AP3B1: variants seen among roughly 807,000 people sequenced by gnomAD.
AP3B1 encodes the protein AP-3 complex subunit beta-1.
A neutral mutation model predicts 132.5 loss-of-function variants in AP3B1; 61 were observed. The observed-to-expected ratio is 0.46, with a 90% CI of 0.37 to 0.57. The LOEUF (loss-of-function observed/expected upper bound fraction) is 0.57, where lower values mean the gene tolerates loss of function less well. Among genes scored for constraint, AP3B1 ranks in the 20% least tolerant of loss-of-function variants. The probability of loss-of-function intolerance (pLI) is 0.00; values close to 1 mark genes in which losing one functional copy is unlikely to be tolerated. For synonymous variants in AP3B1, 388 were observed against 438.3 expected (o/e 0.89, Z 1.43); for missense variants, 1,120 against 1,289.4 (o/e 0.87, Z 2.01).
intron 11 of AP3B1, among the ~76,000 whole-genome samples, chr5:78,172,374 C>CT (rs2112393535): frequency 6.6e-6 from 1 of 152,242 alleles, no homozygotes; most frequent in African/African-American, 2.4e-5. Context: ...TGGTCCTGGA[C>CT]TTTATTGGTT....
At chr5:78,233,307 C>T (rs1746731553) in intron 3 of AP3B1, among the ~76,000 whole-genome samples, 1 of 151,086 alleles carries the variant, frequency 6.6e-6, no homozygotes, top group African/African-American at 2.4e-5. Context: ...GATCTCAGCT[C>T]ACCGCAACCT....
At chr5:78,242,659 G>A (rs1012696016) in intron 2 of AP3B1, among the ~76,000 whole-genome samples, 2 of 151,790 alleles carry the variant, frequency 1.3e-5, no homozygotes. Context: ...CACCCCCCTC[G>A]GCCTCCCAAA....
intron 13 of AP3B1, among the ~76,000 whole-genome samples, chr5:78,159,386 A>G (rs1269297602): frequency 6.6e-6 from 1 of 152,184 alleles, no homozygotes; most frequent in Non-Finnish European, 1.5e-5. Context: ...CAAATTTATC[A>G]TTGTACAGTT....
chr5:78,288,607 G>T (rs930080084), intron 1 of AP3B1, among the ~76,000 whole-genome samples: 3 of 152,158 alleles, frequency 2.0e-5, no homozygotes, highest in Admixed American at 6.5e-5. Context: ...AGGGTCCACG[G>T]AATCAGTCAT....
intron 3 of AP3B1, among the ~76,000 whole-genome samples, chr5:78,232,005 T>G (rs1303271692): frequency 6.6e-6 from 1 of 152,216 alleles, no homozygotes; most frequent in East Asian, 1.9e-4. Context: ...ACTATCTCTG[T>G]GTGATGGTAT....
chr5:78,002,079 C>T (rs988385656), downstream of AP3B1: 3 of 152,286 alleles, frequency 2.0e-5, no homozygotes, highest in African/African-American at 2.4e-5. Flanking sequence ...TCAAAACTAC[C>T]TAGAAGATGT....
At chr5:78,110,108 G>GA in intron 20 of AP3B1, 99 bp downstream of exon 20, 1 of 1,141,466 alleles carries the variant, frequency 8.8e-7, no homozygotes, top group South Asian at 1.4e-5. Flanking sequence ...GGCTTATCTA[G>GA]AAAAAATAAA....
chr5:78,056,607 A>C (rs962849538), intron 22 of AP3B1, among the ~76,000 whole-genome samples: 1 of 152,118 alleles, frequency 6.6e-6, no homozygotes, highest in African/African-American at 2.4e-5. Flanking sequence ...CTTCCCCCGC[A>C]TCTGTTTTTC....
intron 3 of AP3B1, among the ~76,000 whole-genome samples, chr5:78,238,547 T>G (rs1746979842): frequency 1.3e-5 from 2 of 152,070 alleles, no homozygotes; most frequent in African/African-American, 4.8e-5. Flanking sequence ...GCTACAAATC[T>G]GTACAGCATG....
At chr5:78,037,212 T>C (rs1747843081) in intron 23 of AP3B1, among the ~76,000 whole-genome samples, 1 of 152,094 alleles carries the variant, frequency 6.6e-6, no homozygotes, top group Non-Finnish European at 1.5e-5. Flanking sequence ...CAAAGAAAAA[T>C]TAATACTGTT....
chr5:78,136,987 G>A (rs72776435), intron 15 of AP3B1, among the ~76,000 whole-genome samples: 43,634 of 151,530 alleles, frequency 0.29, 6,634 homozygotes, highest in Admixed American at 0.39. Context: ...TTGAAGCCAG[G>A]CAGTCTATTT....
At chr5:78,231,274 A>C (rs762326697) in intron 3 of AP3B1, among the ~76,000 whole-genome samples, 2 of 151,974 alleles carry the variant, frequency 1.3e-5, no homozygotes, top group Non-Finnish European at 2.9e-5. Context: ...CCCAGGTTCA[A>C]GCGATTCTCC....
chr5:78,200,849 C>T (rs1745260911), intron 7 of AP3B1, among the ~76,000 whole-genome samples: 1 of 152,208 alleles, frequency 6.6e-6, no homozygotes, highest in Non-Finnish European at 1.5e-5. Context: ...ATGGGCCAAA[C>T]TGTGCCCCCC....
chr5:78,125,576 A>G (rs1752422807), intron 17 of AP3B1, among the ~76,000 whole-genome samples: 2 of 152,262 alleles, frequency 1.3e-5, no homozygotes, highest in South Asian at 4.1e-4. Context: ...AAAGAAAACT[A>G]TCTACGTTAT....
At chr5:78,205,891 T>C (rs12656439) in intron 7 of AP3B1, among the ~76,000 whole-genome samples, 5,974 of 152,172 alleles carry the variant, frequency 0.039, 188 homozygotes, top group East Asian at 0.13. Context: ...AGCTCTACTA[T>C]ACTAGGAATG....
intron 13 of AP3B1, among the ~76,000 whole-genome samples, chr5:78,160,048 T>A (rs958706106): frequency 6.6e-6 from 1 of 152,192 alleles, no homozygotes; most frequent in African/African-American, 2.4e-5. Flanking sequence ...GGTGGTATAG[T>A]CCTACATGTA....
chr5:78,037,877 C>T (rs528068820), intron 23 of AP3B1, among the ~76,000 whole-genome samples: 12 of 152,102 alleles, frequency 7.9e-5, no homozygotes, highest in Non-Finnish European at 1.6e-4. Context: ...GTTATCTCCA[C>T]TTACAAAAAC....
chr5:78,278,621 AAAAAGGG>A (rs1748896087), intron 1 of AP3B1, among the ~76,000 whole-genome samples: 1 of 75,642 alleles, frequency 1.3e-5, no homozygotes, highest in Non-Finnish European at 3.3e-5. Flanking sequence ...AAAAAAAAAA[AAAAAGGG>A]GGGGGGGGAC....
intron 15 of AP3B1, among the ~76,000 whole-genome samples, chr5:78,136,129 TA>T (rs1486939192): frequency 1.3e-5 from 2 of 152,138 alleles, no homozygotes; most frequent in Non-Finnish European, 2.9e-5. Flanking sequence ...TGTCAGTAAC[TA>T]GACTAGTTTC....
Sources: allele counts gnomAD v4.1 joint callset (sites outside exome capture counted in the v4.1 genomes callset), GRCh38; gene constraint gnomAD v4.1.1; transcripts MANE v1.5; gene names NCBI Gene and HGNC (gene_info 2026-07-23, HGNC 2026-07-21).